VPS35L: variants seen among roughly 807,000 people sequenced by gnomAD.
The protein encoded by VPS35L is VPS35 endosomal protein-sorting factor-like.
Under a neutral mutation model 133.0 loss-of-function variants are expected in VPS35L, and 83 were observed. The ratio of observed to expected loss-of-function variants is 0.62; its 90% CI spans 0.52 to 0.75. The LOEUF is 0.75. Among genes scored for constraint, VPS35L ranks in the 30% least tolerant of loss-of-function variants. VPS35L has a pLI of 0.00. For missense variants in VPS35L, 1,083 were observed against 1,206.8 expected (o/e 0.90, Z 1.52); for synonymous variants, 423 against 449.9 (o/e 0.94, Z 0.76).
At chr16:19,630,382 G>A (rs9939783) in intron 18 of VPS35L, among the ~76,000 whole-genome samples, 2,216 of 140,842 alleles carry the variant, frequency 0.016, 71 homozygotes, top group African/African-American at 0.058. Context: ...CGCCCAGGCT[G>A]GAGTGTGGTG....
At chr16:19,697,632 G>A (rs1054803598) in intron 29 of VPS35L, among the ~76,000 whole-genome samples, 2 of 152,068 alleles carry the variant, frequency 1.3e-5, no homozygotes, top group East Asian at 3.9e-4. Flanking sequence ...ATGGATAGAC[G>A]GTTGATAAGT....
At chr16:19,664,478 T>C (rs566939804) in intron 26 of VPS35L, among the ~76,000 whole-genome samples, 1 of 151,804 alleles carries the variant, frequency 6.6e-6, no homozygotes, top group Admixed American at 6.6e-5. Context: ...GTGACTGTAG[T>C]GTTGGGTCAG....
At position 19,669,142 on chromosome 16, in the gene VPS35L, T is replaced by G; in HGVS notation, c.2222-18T>G. ...TCCCAGAGTTCTAATATACTGACTT[T>G]TATCTTCTGTCTTGCAGCTGATGCT... On this transcript the variant is annotated intron_variant, in intron 26 of 30. Coordinates refer to ENST00000417362, the MANE Select transcript of VPS35L (RefSeq NM_020314.7). 1 of 1,590,960 alleles carries G rather than the reference T, an allele frequency of 6.3e-7. No homozygotes were observed. The highest frequency in any genetic ancestry group is 1.3e-5 in the African/African-American group (1 of 74,410).
chr16:19,588,771 C>T (rs1384240710), intron 7 of VPS35L, among the ~76,000 whole-genome samples: 1 of 152,146 alleles, frequency 6.6e-6, no homozygotes, highest in African/African-American at 2.4e-5. Flanking sequence ...TGCTGGTGCC[C>T]ATGTAAAGCT....
intron 26 of VPS35L, among the ~76,000 whole-genome samples, chr16:19,666,975 C>CTTTCTTTCTTTTCTTTCTTT (rs1974709866): frequency 1.0e-4 from 8 of 76,750 alleles, no homozygotes; most frequent in African/African-American, 2.9e-4. Context: ...TTCCTTTCTT[C>CTTTCTTTCTTTTCTTTCTTT]CTTTCTTTCT....
At position 19,699,617 on chromosome 16, in the gene VPS35L, A is replaced by C; in HGVS notation, c.2762A>C (p.Gln921Pro). ...QLSVNLWHLA[Q>P]RHGCADTRTM... is the part of the protein sequence containing the mutation. The stretch of plus-strand genomic sequence containing the variant: ...TCCGTCAACCTGTGGCACCTGGCAC[A>C]GAGGCACGGCTGTGCAGACACCAGG... Residue 921 changes from glutamine to proline, a missense_variant, in exon 30 of 31, where the codon CAG (glutamine) becomes CCG (proline). By Grantham distance (76) the Gln-to-Pro change is moderately conservative. Coordinates refer to ENST00000417362, the MANE Select transcript of VPS35L (RefSeq NM_020314.7). This position sits in a 1 kb window ranked among gnomAD's most constrained non-coding sequence, Gnocchi z 4.2. The C allele has an allele frequency of 6.2e-7, 1 of 1,614,042 alleles. No individual in the cohort carries two copies. The highest frequency in any genetic ancestry group is 8.5e-7 in the Non-Finnish European group (1 of 1,180,026).
rs181220859 is a variant in VPS35L at position 19,581,551 on chromosome 16, G to A, written c.537G>A (p.Leu179=). 2.4e-4 allele frequency: 394 copies of A among 1,608,332 alleles called. No homozygotes were observed. The highest frequency in any genetic ancestry group is 4.7e-4 in the Admixed American group (28 of 59,048). Residue 179 remains leucine, a synonymous_variant, in exon 7 of 31, where the codon TTG becomes TTA. Coordinates refer to ENST00000417362, the MANE Select transcript of VPS35L (RefSeq NM_020314.7). ...GTTCCCAAAAGGAGCTGTTGAACTT[G>A]ACTCAGCAGGATTACGTGAACCGCA... ...EEGSQKELLN[L]TQQDYVNRIE...
intron 3 of VPS35L, among the ~76,000 whole-genome samples, chr16:19,570,615 A>G (rs1971330804): frequency 6.6e-6 from 1 of 151,634 alleles, no homozygotes; most frequent in South Asian, 2.1e-4. Flanking sequence ...ACGTACTCAT[A>G]TATAAATAAT....
chr16:19,619,904 TCA>T (rs1362436971), intron 14 of VPS35L, among the ~76,000 whole-genome samples: 1 of 152,174 alleles, frequency 6.6e-6, no homozygotes, highest in East Asian at 1.9e-4. Context: ...CCGCTATGAG[TCA>T]CCTGCAGAGT....
At chr16:19,631,904 G>A (rs766341854) in intron 18 of VPS35L, among the ~76,000 whole-genome samples, 10 of 151,920 alleles carry the variant, frequency 6.6e-5, no homozygotes, top group South Asian at 4.2e-4. Flanking sequence ...AGGTTGCAGG[G>A]TTCACTTCCT....
At chr16:19,624,077 T>C (rs940978429) in intron 14 of VPS35L, among the ~76,000 whole-genome samples, 19 of 149,080 alleles carry the variant, frequency 1.3e-4, no homozygotes, top group African/African-American at 4.4e-4. Flanking sequence ...GTGCTGGGAT[T>C]ACAGGCATGA....
At chr16:19,569,786 AC>A (rs1971304625) in intron 3 of VPS35L, among the ~76,000 whole-genome samples, 195 bp downstream of exon 3, 1 of 151,498 alleles carries the variant, frequency 6.6e-6, no homozygotes, top group Non-Finnish European at 1.5e-5. Context: ...CTCCCACCTC[AC>A]CCTCCTGAAT....
intron 14 of VPS35L, among the ~76,000 whole-genome samples, chr16:19,623,801 T>C (rs1973166609): frequency 1.0e-5 from 1 of 95,358 alleles, no homozygotes; most frequent in Non-Finnish European, 2.1e-5. Context: ...TTATTATTAT[T>C]ATTATTATTA....
At chr16:19,608,393 AC>A (rs2151545075) in intron 10 of VPS35L, 119 bp downstream of exon 10, 1 of 775,626 alleles carries the variant, frequency 1.3e-6, no homozygotes, top group East Asian at 2.6e-5. Context: ...TGGTCCCGTT[AC>A]GGTTGCTAGC....
intron 29 of VPS35L, among the ~76,000 whole-genome samples, chr16:19,693,279 G>A (rs1158282567): frequency 6.6e-6 from 1 of 152,120 alleles, no homozygotes; most frequent in Non-Finnish European, 1.5e-5. Flanking sequence ...ATGTGGATGT[G>A]TGTGTTGCGG....
chr16:19,566,995 G>T, intron 2 of VPS35L, among the ~76,000 whole-genome samples: 1 of 152,038 alleles, frequency 6.6e-6, no homozygotes, highest in Non-Finnish European at 1.5e-5. Context: ...CAGGTGATCC[G>T]CCTGCCTCAG....
chr16:19,631,786 C>G (rs577806681), intron 18 of VPS35L, among the ~76,000 whole-genome samples: 132 of 152,296 alleles, frequency 8.7e-4, no homozygotes, highest in African/African-American at 3.0e-3. Context: ...GTCACTCACT[C>G]CAGCCATGAC....
At chr16:19,693,657 G>A (rs1230357692) in intron 29 of VPS35L, among the ~76,000 whole-genome samples, 2 of 152,116 alleles carry the variant, frequency 1.3e-5, no homozygotes, top group Non-Finnish European at 2.9e-5. Flanking sequence ...GGTGGTGTGT[G>A]CCTGTAGTCC....
chr16:19,598,748 C>T (rs757227456), intron 8 of VPS35L, among the ~76,000 whole-genome samples: 18 of 150,842 alleles, frequency 1.2e-4, no homozygotes, highest in Admixed American at 4.6e-4. Flanking sequence ...TGCTCCACTG[C>T]ACTCCAGCCT....
Sources: gnomAD v4.1 joint callset for allele counts (sites outside exome capture counted in the v4.1 genomes callset) on GRCh38, gnomAD v4.1.1 for gene constraint, Gnocchi (gnomAD v3.1) non-coding constraint, MANE v1.5 for transcripts, NCBI Gene and HGNC (gene_info 2026-07-23, HGNC 2026-07-21) for gene names.